Variants in SCAPER observed in about 807,000 individuals in gnomAD.
The protein encoded by SCAPER is S-phase cyclin A associated protein in the ER, also known as S phase cyclin A-associated protein in the endoplasmic reticulum.
SCAPER carries 98 observed loss-of-function variants against 182.2 expected under a neutral mutation model. The observed-to-expected ratio is 0.54, with a 90% CI of 0.46 to 0.64. The LOEUF (loss-of-function observed/expected upper bound fraction) is 0.64. Among genes scored for constraint, SCAPER ranks in the 30% least tolerant of loss-of-function variants. The pLI, the probability that SCAPER is intolerant of heterozygous loss-of-function variation, is 0.00. For missense variants in SCAPER, 1,432 were observed against 1,690.0 expected, an observed-to-expected ratio of 0.85 and a Z score of 2.68; for synonymous variants, 605 against 564.6, an observed-to-expected ratio of 1.07 and a Z score of -1.01.
At chr15:76,572,449 A>C (rs923156036) in intron 23 of SCAPER, among the ~76,000 whole-genome samples, 1 of 152,246 alleles carries the variant, frequency 6.6e-6, no homozygotes, top group Admixed American at 6.5e-5. Context: ...TGTTACACAC[A>C]AGAACTGACT....
intron 25 of SCAPER, among the ~76,000 whole-genome samples, chr15:76,465,924 G>A (rs1375169070): frequency 1.3e-5 from 2 of 152,056 alleles, no homozygotes; most frequent in African/African-American, 4.8e-5. Context: ...CAGGGTTTCT[G>A]CTGAGAAATA....
At chr15:76,871,945 C>A (rs2072763594) in intron 2 of SCAPER, among the ~76,000 whole-genome samples, 1 of 151,640 alleles carries the variant, frequency 6.6e-6, no homozygotes, top group South Asian at 2.1e-4. Context: ...TACTTAAAAG[C>A]TATAAGATAT....
intron 22 of SCAPER, among the ~76,000 whole-genome samples, chr15:76,580,495 CTG>C (rs1379820480): frequency 1.3e-5 from 2 of 152,124 alleles, no homozygotes; most frequent in African/African-American, 4.8e-5. Context: ...TGGCTCATGC[CTG>C]TAATCCTAGC....
chr15:76,411,969 C>T (rs2045321960), intron 26 of SCAPER, among the ~76,000 whole-genome samples: 1 of 152,082 alleles, frequency 6.6e-6, no homozygotes, highest in African/African-American at 2.4e-5. Context: ...AATCTTTCCC[C>T]CATTCCATGA....
chr15:76,774,456 C>A (rs1334203896), intron 9 of SCAPER: 1 of 351,858 alleles, frequency 2.8e-6, no homozygotes, highest in South Asian at 2.3e-5. Flanking sequence ...TAAATATAGA[C>A]TATAAATTAA....
intron 29 of SCAPER, among the ~76,000 whole-genome samples, chr15:76,370,760 G>A (rs1172016711): frequency 1.3e-5 from 2 of 152,166 alleles, no homozygotes; most frequent in African/African-American, 4.8e-5. Flanking sequence ...TGGCAGAGCT[G>A]GGGCTAGAAC....
intron 22 of SCAPER, among the ~76,000 whole-genome samples, chr15:76,609,192 T>C (rs1018199446): frequency 2.0e-5 from 3 of 152,062 alleles, no homozygotes; most frequent in African/African-American, 7.2e-5. Flanking sequence ...TTTTATTGTT[T>C]CTTAGAATAT....
chr15:76,417,943 G>A (rs943835571), intron 26 of SCAPER, among the ~76,000 whole-genome samples: 3 of 152,032 alleles, frequency 2.0e-5, no homozygotes, highest in Admixed American at 1.3e-4. Flanking sequence ...GCTTGAACCC[G>A]GGAGGCGGAG....
intron 25 of SCAPER, among the ~76,000 whole-genome samples, chr15:76,457,565 TGAAG>T (rs2048830651): frequency 6.6e-6 from 1 of 152,176 alleles, no homozygotes; most frequent in Non-Finnish European, 1.5e-5. Flanking sequence ...AGTGGTTGCT[TGAAG>T]GAGTTACAAC....
chr15:76,414,498 G>T (rs1033980489), intron 26 of SCAPER, among the ~76,000 whole-genome samples: 2 of 151,880 alleles, frequency 1.3e-5, no homozygotes, highest in African/African-American at 4.8e-5. Flanking sequence ...GGGGAAAAAT[G>T]ACATAAATGA....
intron 21 of SCAPER, among the ~76,000 whole-genome samples, chr15:76,639,196 A>T (rs1013260419): frequency 6.6e-6 from 1 of 152,212 alleles, no homozygotes; most frequent in African/African-American, 2.4e-5. Flanking sequence ...ATATGGAAGG[A>T]CTGTGTTAGT....
At chr15:76,461,354 G>A (rs1386260476) in intron 25 of SCAPER, among the ~76,000 whole-genome samples, 5 of 150,000 alleles carry the variant, frequency 3.3e-5, no homozygotes, top group Non-Finnish European at 7.4e-5. Context: ...TTACAAAAAA[G>A]ATTATTTTGT....
chr15:76,823,562 G>C (rs2067746975), intron 5 of SCAPER, among the ~76,000 whole-genome samples: 1 of 150,966 alleles, frequency 6.6e-6, no homozygotes, highest in African/African-American at 2.4e-5. Flanking sequence ...TCAGACCCAA[G>C]ACTAATAATG....
intron 25 of SCAPER, among the ~76,000 whole-genome samples, chr15:76,450,134 G>C (rs760204116): frequency 2.6e-5 from 4 of 152,150 alleles, no homozygotes; most frequent in African/African-American, 4.8e-5. Flanking sequence ...ACTGTATCTT[G>C]AGAGCAAGCT....
At chr15:76,656,908 G>A (rs987369839) in intron 21 of SCAPER, among the ~76,000 whole-genome samples, 7 of 152,126 alleles carry the variant, frequency 4.6e-5, no homozygotes, top group African/African-American at 9.7e-5. Flanking sequence ...AGTGTTAAGC[G>A]GGAAGTTTAT....
chr15:76,685,248 A>C (rs1384547662), intron 20 of SCAPER, among the ~76,000 whole-genome samples: 1 of 151,274 alleles, frequency 6.6e-6, no homozygotes, highest in Admixed American at 6.6e-5. Context: ...CATACTCTTT[A>C]AAATCAGGTA....
intron 26 of SCAPER, among the ~76,000 whole-genome samples, chr15:76,426,717 A>T (rs2046461539): frequency 6.6e-6 from 1 of 152,220 alleles, no homozygotes; most frequent in South Asian, 2.1e-4. Context: ...AAACAATCCT[A>T]AAATTCATAG....
chr15:76,475,681 C>G (rs1596869341), intron 24 of SCAPER, among the ~76,000 whole-genome samples: 1 of 152,110 alleles, frequency 6.6e-6, no homozygotes, highest in East Asian at 1.9e-4. Flanking sequence ...AAGCTTGAAC[C>G]AAAGAACAGA....
Position 76,705,964 on chromosome 15 carries a change from G to C in SCAPER, c.2186C>G (p.Ala729Gly). 6.4e-7 allele frequency: 1 copy of C among 1,559,580 alleles called. No homozygotes were observed. The highest frequency in any genetic ancestry group is 2.3e-5 in the East Asian group (1 of 42,780). The change falls in exon 18 of 32, where the codon GCA becomes GGA. Residue 729 changes from alanine to glycine, a missense_variant. Physicochemically the swap from Ala to Gly is moderately conservative, Grantham distance 60 (BLOSUM62 0). This residue lies in a region of SCAPER where 718 missense variants were observed against 799.7 expected (regional missense o/e 0.90). Coordinates refer to ENST00000563290, the MANE Select transcript of SCAPER (RefSeq NM_020843.4). ...TTCTTGTTGAGCAGCTGTGAGTGCT[G>C]CCAATCGTTCTTCCCTGTCTCTGTA... ...ERARDREERLAALTAAQQEAM... is the reference protein window; with the variant it reads ...ERARDREERLGALTAAQQEAM...
Sources: gnomAD v4.1 joint callset for allele counts (sites outside exome capture counted in the v4.1 genomes callset) on GRCh38, gnomAD v4.1.1 for gene constraint, gnomAD v4.1.1 regional missense constraint, MANE v1.5 for transcripts, NCBI Gene and HGNC (gene_info 2026-07-23, HGNC 2026-07-21) for gene names.